Variants in KCNH5 observed in about 807,000 individuals in gnomAD.
KCNH5 encodes voltage-gated delayed rectifier potassium channel KCNH5.
KCNH5 carries 46 observed loss-of-function variants against 96.1 expected under a neutral mutation model. The observed-to-expected ratio is 0.48, with a 90% CI of 0.38 to 0.61. The LOEUF (loss-of-function observed/expected upper bound fraction) is 0.61. Among genes scored for constraint, KCNH5 ranks in the 20% least tolerant of loss-of-function variants. KCNH5 has a pLI of 0.00. For synonymous variants in KCNH5, 439 were observed against 449.8 expected (o/e 0.98, Z 0.30); for missense variants, 907 against 1,225.8 (o/e 0.74, Z 3.88).
chr14:62,889,300 G>A (rs1268328029), intron 7 of KCNH5, among the ~76,000 whole-genome samples: 1 of 152,114 alleles, frequency 6.6e-6, no homozygotes, highest in Non-Finnish European at 1.5e-5. Flanking sequence ...AGGCACTGAG[G>A]GCACAGAATT....
At chr14:63,000,583 C>T (rs1027484216) in intron 4 of KCNH5, among the ~76,000 whole-genome samples, 1 of 152,164 alleles carries the variant, frequency 6.6e-6, no homozygotes, top group Non-Finnish European at 1.5e-5. Flanking sequence ...ACTCTAGGGA[C>T]TACACAACAG....
At chr14:62,787,326 C>T (rs1315362994) in intron 9 of KCNH5, among the ~76,000 whole-genome samples, 1 of 152,138 alleles carries the variant, frequency 6.6e-6, no homozygotes, top group Non-Finnish European at 1.5e-5. Flanking sequence ...CAGAGCAAGG[C>T]CCTAACTATC....
intron 7 of KCNH5, among the ~76,000 whole-genome samples, chr14:62,926,965 A>G (rs1889488311): frequency 6.6e-6 from 1 of 152,208 alleles, no homozygotes; most frequent in African/African-American, 2.4e-5. Context: ...GATTATAACG[A>G]GCAGAATGTG....
At chr14:62,997,850 A>C (rs995175456) in intron 4 of KCNH5, among the ~76,000 whole-genome samples, 2 of 146,518 alleles carry the variant, frequency 1.4e-5, no homozygotes, top group Non-Finnish European at 3.0e-5. Context: ...CAGTGAACCG[A>C]GATGGCACCA....
intron 7 of KCNH5, among the ~76,000 whole-genome samples, chr14:62,859,333 C>A (rs1357957588): frequency 6.6e-6 from 1 of 152,140 alleles, no homozygotes; most frequent in Admixed American, 6.5e-5. Context: ...TTGCTGAGCC[C>A]ATGCATAACC....
At chr14:62,986,924 G>T in intron 5 of KCNH5, 148 bp downstream of exon 5, 1 of 613,064 alleles carries the variant, frequency 1.6e-6, no homozygotes. Flanking sequence ...AGAAATATTT[G>T]GGATTTCTAT....
At chr14:63,014,822 G>A (rs1891294320) in intron 2 of KCNH5, among the ~76,000 whole-genome samples, 1 of 152,068 alleles carries the variant, frequency 6.6e-6, no homozygotes, top group South Asian at 2.1e-4. Context: ...GATAAACCTG[G>A]CATGAAGACG....
chr14:62,975,711 G>C (rs1267794427), intron 6 of KCNH5, among the ~76,000 whole-genome samples: 1 of 151,700 alleles, frequency 6.6e-6, no homozygotes, highest in East Asian at 1.9e-4. Context: ...AGAGATTAAA[G>C]GAAAGTTCAA....
intron 8 of KCNH5, among the ~76,000 whole-genome samples, chr14:62,832,504 A>T (rs1361801633): frequency 6.6e-6 from 1 of 152,130 alleles, no homozygotes; most frequent in African/African-American, 2.4e-5. Context: ...TTTTCCACTT[A>T]TCCATTCATG....
chr14:62,830,780 A>G (rs1432404728), intron 8 of KCNH5, among the ~76,000 whole-genome samples: 1 of 152,130 alleles, frequency 6.6e-6, no homozygotes, highest in Admixed American at 6.5e-5. Context: ...GAGTTAGGTC[A>G]AGGGAGGATG....
intron 10 of KCNH5, among the ~76,000 whole-genome samples, chr14:62,754,649 G>T (rs1246542715): frequency 2.0e-5 from 3 of 151,974 alleles, no homozygotes; most frequent in Admixed American, 2.0e-4. Context: ...GAGGTGGGCA[G>T]ATCACTTATG....
chr14:62,889,617 G>T (rs1888664100), intron 7 of KCNH5, among the ~76,000 whole-genome samples: 1 of 152,156 alleles, frequency 6.6e-6, no homozygotes. Context: ...ATTCCTAAGA[G>T]AGTAGAATCT....
rs543670938 is a variant in KCNH5, at chr14:62,720,863, C to G, written c.2020-12408G>C. On this transcript the variant is annotated intron_variant, in intron 10 of 10. Coordinates refer to ENST00000322893, the MANE Select transcript of KCNH5 (RefSeq NM_139318.5). ...GAAAGACAAGTTATCCACACCATTA[C>G]AGATGCGCGTGCATGCACACACACA... Among the ~76,000 whole-genome samples, 4 of 152,332 alleles carry G rather than the reference C, an allele frequency of 2.6e-5. No individual in the cohort carries two copies. In the East Asian group the frequency reaches 5.8e-4, roughly 22 times the overall value.
rs189583743 is a variant in KCNH5 at position 62,990,079 on chromosome 14, A to G, written c.434-2892T>C. On this transcript the variant is annotated intron_variant, in intron 4 of 10. Coordinates refer to ENST00000322893, the MANE Select transcript of KCNH5 (RefSeq NM_139318.5). ...GGTATAACTCATTGGATTAAAAGAAAAGCCCACTTTCGTTCCCTGTGTGAA... is the reference window on the plus strand; with the variant it reads ...GGTATAACTCATTGGATTAAAAGAAGAGCCCACTTTCGTTCCCTGTGTGAA... Among the ~76,000 whole-genome samples, 10 of 152,190 alleles carry G rather than the reference A, an allele frequency of 6.6e-5. No individual in the cohort carries two copies. In the East Asian group the frequency reaches 1.7e-3, roughly 26 times the overall value.
chr14:62,747,894 A>C (rs946043611), intron 10 of KCNH5, among the ~76,000 whole-genome samples: 1 of 152,216 alleles, frequency 6.6e-6, no homozygotes, highest in African/African-American at 2.4e-5. Context: ...AGGAGAAAAA[A>C]AGGCATTTCC....
intron 7 of KCNH5, among the ~76,000 whole-genome samples, chr14:62,923,723 A>C (rs966095749): frequency 1.3e-5 from 2 of 152,016 alleles, no homozygotes. Context: ...TGGGGAAAGA[A>C]CAGTATCTTC....
intron 7 of KCNH5, among the ~76,000 whole-genome samples, chr14:62,883,358 A>G (rs1043909127): frequency 6.6e-6 from 1 of 152,196 alleles, no homozygotes; most frequent in African/African-American, 2.4e-5. Flanking sequence ...CAATGATTTT[A>G]CTTGAAATAA....
intron 9 of KCNH5, among the ~76,000 whole-genome samples, chr14:62,788,838 A>C (rs1886373143): frequency 6.6e-6 from 1 of 152,102 alleles, no homozygotes; most frequent in African/African-American, 2.4e-5. Context: ...ACATAATGTT[A>C]TTGCACACAT....
At chr14:62,955,485 A>G (rs985647893) in intron 6 of KCNH5, among the ~76,000 whole-genome samples, 3 of 152,218 alleles carry the variant, frequency 2.0e-5, no homozygotes, top group African/African-American at 7.2e-5. Flanking sequence ...AGCATGGCCC[A>G]GAAAAGTTAA....
Sources: allele counts gnomAD v4.1 joint callset (sites outside exome capture counted in the v4.1 genomes callset), GRCh38; gene constraint gnomAD v4.1.1; transcripts MANE v1.5; gene names NCBI Gene and HGNC (gene_info 2026-07-23, HGNC 2026-07-21).